Variants in ENTPD1 observed in about 807,000 individuals in gnomAD.
ENTPD1 encodes the protein ATP diphosphohydrolase.
A neutral mutation model predicts 57.0 loss-of-function variants in ENTPD1; 33 were observed. That is an observed-to-expected ratio of 0.58 (90% confidence interval 0.44 to 0.77). The LOEUF (loss-of-function observed/expected upper bound fraction) is 0.77. ENTPD1 is among the 30% of genes least tolerant of loss of function. The pLI is 0.00. For synonymous variants in ENTPD1, 202 were observed against 218.8 expected (o/e 0.92, Z 0.68); for missense variants, 501 against 603.4 (o/e 0.83, Z 1.78).
chr10:95,783,020 G>A (rs530778179), intron 1 of ENTPD1, among the ~76,000 whole-genome samples: 52 of 151,818 alleles, frequency 3.4e-4, no homozygotes, highest in Middle Eastern at 3.4e-3. Flanking sequence ...AAATGGAAGC[G>A]GTGTGTGTGT....
exon 1 of ENTPD1, chr10:95,711,858 G>A (rs1473630994): frequency 6.4e-6 from 10 of 1,567,650 alleles, no homozygotes; most frequent in South Asian, 3.4e-5. Context: ...GCGATTGTCA[G>A]TGAAACTTCA....
At chr10:95,766,825 A>G (rs1249103605) in intron 1 of ENTPD1, among the ~76,000 whole-genome samples, 1 of 148,498 alleles carries the variant, frequency 6.7e-6, no homozygotes, top group Non-Finnish European at 1.5e-5. Flanking sequence ...ATTTGTTTTT[A>G]TATTTCCACA....
chr10:95,837,228 A>G (rs974715373), intron 2 of ENTPD1, among the ~76,000 whole-genome samples: 1 of 152,240 alleles, frequency 6.6e-6, no homozygotes, highest in South Asian at 2.1e-4. Flanking sequence ...CTGATCCCAG[A>G]TAAATGCTGC....
intron 1 of ENTPD1, among the ~76,000 whole-genome samples, chr10:95,782,962 G>A (rs1274815779): frequency 1.3e-5 from 2 of 152,112 alleles, no homozygotes; most frequent in Non-Finnish European, 2.9e-5. Context: ...CAACATACAG[G>A]TTGGGCAAGT....
Position 95,871,193 on chromosome 10 carries a change from A to C in ENTPD1, c.*4810A>C, listed in dbSNP as rs1044177337. On this transcript the variant is annotated 3_prime_UTR_variant, in exon 10 of 10. Coordinates refer to ENST00000371205, the MANE Select transcript of ENTPD1 (RefSeq NM_001776.6). ...ATATGGCCAAGGCCATGAGTGATTA[A>C]TTTTAACACAGGAAAAAAGTAAAGC... 3.0e-6 allele frequency: 3 copies of C among 985,386 alleles called. No individual in the cohort carries two copies. In the African/African-American group the frequency reaches 5.2e-5, roughly 17 times the overall value. 61.0% of individuals were successfully genotyped at this position (985,386 alleles called of 1,614,324 possible).
At chr10:95,849,850 A>G (rs75761833) in intron 7 of ENTPD1, among the ~76,000 whole-genome samples, 5,699 of 152,330 alleles carry the variant, frequency 0.037, 132 homozygotes, top group Non-Finnish European at 0.049. Flanking sequence ...CCCTTGCCTT[A>G]GATTGAACTC....
At chr10:95,864,900 T>A (rs368982027) in intron 9 of ENTPD1, 39 bp downstream of exon 9, 23 of 1,608,262 alleles carry the variant, frequency 1.4e-5, no homozygotes, top group Non-Finnish European at 1.9e-5. Context: ...GAGGTTGGGG[T>A]TCGGTGGTAG....
In ENTPD1 at chr10:95,831,522, A is replaced by G. The variant is rs74153921; in HGVS notation, c.144+8158A>G. Among the ~76,000 whole-genome samples, 486 of 152,370 alleles carry G rather than the reference A, an allele frequency of 3.2e-3. 4 individuals carry two copies. Among genetic ancestry groups the G allele is most frequent in the African/African-American group, 0.011 (451 of 41,592 alleles). ...GAGTCCAGAGCAGAAGGCCTGGCCC[A>G]CTGCAGACACTCAGTGATTGATAAC... On this transcript the variant is annotated intron_variant, in intron 2 of 9. Coordinates refer to ENST00000371205, the MANE Select transcript of ENTPD1 (RefSeq NM_001776.6).
intron 1 of ENTPD1, among the ~76,000 whole-genome samples, chr10:95,760,224 G>A (rs1272881049): frequency 6.6e-6 from 1 of 152,184 alleles, no homozygotes; most frequent in African/African-American, 2.4e-5. Flanking sequence ...AAGCAGAATA[G>A]GGAGCGATGG....
At chr10:95,705,411 T>C in the ENTPD1 span, among the ~76,000 whole-genome samples, 4 of 152,146 alleles carry the variant, frequency 2.6e-5, no homozygotes, top group African/African-American at 9.7e-5. Context: ...GCAAAATGTA[T>C]ATAAATTGTA....
chr10:95,794,374 T>C (rs2098217811), intron 1 of ENTPD1, among the ~76,000 whole-genome samples: 1 of 152,148 alleles, frequency 6.6e-6, no homozygotes, highest in South Asian at 2.1e-4. Context: ...CACTGCTGAG[T>C]GCTCAGCACG....
At chr10:95,790,653 G>C (rs760478268) in intron 1 of ENTPD1, among the ~76,000 whole-genome samples, 1 of 151,840 alleles carries the variant, frequency 6.6e-6, no homozygotes, top group Non-Finnish European at 1.5e-5. Flanking sequence ...CCTTTTTGCT[G>C]TTTTTGGAAT....
chr10:95,848,811 ATAGT>A (rs2098440067), intron 7 of ENTPD1, among the ~76,000 whole-genome samples: 1 of 152,248 alleles, frequency 6.6e-6, no homozygotes, highest in Non-Finnish European at 1.5e-5. Flanking sequence ...ATGGATTAAT[ATAGT>A]TAGTTTAGAC....
intron 1 of ENTPD1, among the ~76,000 whole-genome samples, chr10:95,802,986 A>T (rs2098256589): frequency 6.6e-6 from 1 of 152,170 alleles, no homozygotes; most frequent in African/African-American, 2.4e-5. Flanking sequence ...GAGGTCAGAT[A>T]GCATGATGCC....
At chr10:95,712,287 C>G (rs533764146) in intron 1 of ENTPD1, among the ~76,000 whole-genome samples, 1 of 152,182 alleles carries the variant, frequency 6.6e-6, no homozygotes, top group Non-Finnish European at 1.5e-5. Context: ...CATAAACTCT[C>G]TATTTGAGCT....
At position 95,873,789 on chromosome 10, in the gene ENTPD1, TG is replaced by T; in HGVS notation, c.*7410del. On this transcript the variant is annotated 3_prime_UTR_variant, in exon 10 of 10. Transcript: ENST00000371205. ...AATTGGACTTACAGTTCCACATGGC[TG>T]GGGAGGCCTCAAAATCAGGTGGGAG... 1 of 838,088 alleles carries T rather than the reference TG, an allele frequency of 1.2e-6. No homozygotes were observed. The highest frequency in any genetic ancestry group is 1.4e-6 in the Non-Finnish European group (1 of 695,350). 51.9% of individuals were successfully genotyped at this position (838,088 alleles called of 1,614,324 possible). A position where few individuals can be genotyped will look rare whatever the true frequency, so the allele number is the denominator to read the frequency against.
Position 95,873,872 on chromosome 10 carries a change from C to A in ENTPD1, c.*7489C>A. 5.0e-6 allele frequency: 1 copy of A among 199,524 alleles called. No individual in the cohort carries two copies. Among genetic ancestry groups the A allele is most frequent in the Non-Finnish European group, 9.0e-6 (1 of 111,392 alleles). 12.4% of individuals were successfully genotyped at this position (199,524 alleles called of 1,614,324 possible). ...GAGCAAAATGAGGAAGAAGCAAAAG[C>A]AGAAACTCTTCATAAACCCACCAGA... On this transcript the variant is annotated 3_prime_UTR_variant, in exon 10 of 10. Coordinates refer to ENST00000371205, the MANE Select transcript of ENTPD1 (RefSeq NM_001776.6).
Position 95,864,746 on chromosome 10 carries a change from T to G in ENTPD1, c.1211T>G (p.Val404Gly). The change falls in exon 9 of 10, where the codon GTA (valine) becomes GGA (glycine). Residue 404 changes from valine (V) to glycine (G), a missense_variant. Val to Gly is a moderately radical substitution (Grantham distance 109). Coordinates refer to ENST00000371205, the MANE Select transcript of ENTPD1 (RefSeq NM_001776.6). ...TAGATAAAAACATCTTACGCTGGAG[T>G]AAAGGAGAAGTACCTGAGTGAATAC... ...WEEIKTSYAG[V>G]KEKYLSEYCF... is the part of the protein sequence containing the mutation. 2 of 1,614,000 alleles carry G rather than the reference T, an allele frequency of 1.2e-6. No homozygotes were observed. The highest frequency in any genetic ancestry group is 1.7e-6 in the Non-Finnish European group (2 of 1,180,016).
chr10:95,837,736 C>G (rs2098413450), intron 2 of ENTPD1, among the ~76,000 whole-genome samples: 1 of 152,148 alleles, frequency 6.6e-6, no homozygotes, highest in South Asian at 2.1e-4. Context: ...CCTAGTGGTC[C>G]AGGGAGGTCT....
Sources: allele counts gnomAD v4.1 joint callset (sites outside exome capture counted in the v4.1 genomes callset), GRCh38; gene constraint gnomAD v4.1.1; transcripts MANE v1.5; gene names NCBI Gene and HGNC (gene_info 2026-07-23, HGNC 2026-07-21).